The following APOB variants were observed in gnomAD, a reference collection of about 807,000 sequenced individuals.
The protein encoded by APOB is apolipoprotein B-100.
A neutral mutation model predicts 314.1 loss-of-function variants in APOB; 153 were observed. The ratio of observed to expected loss-of-function variants is 0.49; its 90% confidence interval spans 0.43 to 0.56. APOB has a LOEUF of 0.56. APOB is among the 20% of genes least tolerant of loss of function. APOB has a pLI of 0.00. For missense variants in APOB, 5,430 were observed against 5,350.7 expected, an observed-to-expected ratio of 1.01 and a Z score of -0.46; for synonymous variants, 2,087 against 2,036.4, an observed-to-expected ratio of 1.02 and a Z score of -0.67.
chr2:21,032,104 G>A (rs558936861), intron 10 of APOB, among the ~76,000 whole-genome samples: 1 of 152,278 alleles, frequency 6.6e-6, no homozygotes, highest in Admixed American at 6.5e-5. Flanking sequence ...TTTTCCCTGT[G>A]AAATTCTGTC....
chr2:21,020,405 T>C (rs1329265316), intron 18 of APOB, among the ~76,000 whole-genome samples: 8 of 152,168 alleles, frequency 5.3e-5, no homozygotes, highest in African/African-American at 1.9e-4. Flanking sequence ...CCATCAAGAG[T>C]TGTCTGCCTT....
intron 16 of APOB, chr2:21,024,363 AT>A (rs1337216179): frequency 1.9e-5 from 3 of 156,202 alleles, no homozygotes; most frequent in Admixed American, 6.4e-5. Flanking sequence ...CACACCTGTT[AT>A]TCCAGCACTG....
At chr2:21,013,907 T>C (rs1663402832) in intron 24 of APOB, among the ~76,000 whole-genome samples, 1 of 152,226 alleles carries the variant, frequency 6.6e-6, no homozygotes, top group African/African-American at 2.4e-5. Flanking sequence ...GAAAAGGCTA[T>C]ACCTTACCCA....
At position 21,043,965 on chromosome 2, in the gene APOB, G is replaced by A; in HGVS notation, c.-20C>T. 5.7e-6 allele frequency: 7 copies of A among 1,220,896 alleles called. No individual in the cohort carries two copies. Among genetic ancestry groups the A allele is most frequent in the East Asian group, 3.4e-5 (1 of 29,546 alleles). The allele number at this position is 1,220,896 out of a possible 1,614,324, so 75.6% of individuals were successfully genotyped here. A position where few individuals can be genotyped will look rare whatever the true frequency, so the allele number is the denominator to read the frequency against. On this transcript the variant is annotated 5_prime_UTR_variant, in exon 1 of 29. Transcript: ENST00000233242. ...GTCCATCGCCAGCTGCGGTGGGGCG[G>A]CTCCTGGGCTGCGGCCTGGCCTCGG...
intron 2 of APOB, 142 bp downstream of exon 2, chr2:21,043,371 A>T: frequency 2.1e-6 from 2 of 957,006 alleles, no homozygotes; most frequent in Non-Finnish European, 3.3e-6. Flanking sequence ...GCAGAGGCTC[A>T]GGGAACTTGC....
Position 21,033,283 on chromosome 2 carries a change from T to A in APOB, c.1124+16A>T. ...CCATCAGTTTTATAAAAAGTTGAGC[T>A]GTAACCATTAGATACCTGGACACCT... On this transcript the variant is annotated intron_variant, in intron 9 of 28. Coordinates refer to ENST00000233242, the MANE Select transcript of APOB (RefSeq NM_000384.3). 1 of 1,604,266 alleles carries A rather than the reference T, an allele frequency of 6.2e-7. No homozygotes were observed. The highest frequency in any genetic ancestry group is 8.5e-7 in the Non-Finnish European group (1 of 1,171,012).
chr2:21,021,262 C>G (rs1331647756), intron 18 of APOB, among the ~76,000 whole-genome samples: 1 of 152,090 alleles, frequency 6.6e-6, no homozygotes, highest in Non-Finnish European at 1.5e-5. Context: ...TCCCCATACC[C>G]AGTTAATCAC....
intron 20 of APOB, among the ~76,000 whole-genome samples, chr2:21,018,508 C>A (rs1462597600): frequency 6.6e-6 from 1 of 152,160 alleles, no homozygotes; most frequent in East Asian, 1.9e-4. Flanking sequence ...AGTGTGTCAG[C>A]CTCAGGGCCT....
chr2:21,024,524 C>A (rs1663686480), intron 16 of APOB: 1 of 324,240 alleles, frequency 3.1e-6, no homozygotes, highest in Non-Finnish European at 5.6e-6. Flanking sequence ...GAGGCTGAGG[C>A]AGGAGAATTG....
At position 21,010,900 on chromosome 2, in the gene APOB, T is replaced by G. The variant is rs372283478; in HGVS notation, c.5968A>C (p.Asn1990His). Reference sequence around the variant, plus strand: ...GCATCCAAGTCCTGGCTGTATTCATTGTTGTTAAATTGGGTCTTGAGTTTC... The same window carrying G: ...GCATCCAAGTCCTGGCTGTATTCATGGTTGTTAAATTGGGTCTTGAGTTTC... Reference protein sequence around the residue: ...TWKLKTQFNNNEYSQDLDAYN... With the variant: ...TWKLKTQFNNHEYSQDLDAYN... Residue 1990 changes from asparagine (N) to histidine (H), a missense_variant, in exon 26 of 29, where the codon AAT becomes CAT. Asn to His is a moderately conservative substitution (Grantham distance 68). Around this residue, in one of 3 missense-constraint regions of APOB, gnomAD observed 3,281 missense variants for 3,171.0 expected, o/e 1.03. Coordinates refer to ENST00000233242, the MANE Select transcript of APOB (RefSeq NM_000384.3). The G allele has an allele frequency of 2.5e-6, 4 of 1,614,104 alleles. No individual in the cohort carries two copies. The highest frequency in any genetic ancestry group is 3.4e-6 in the Non-Finnish European group (4 of 1,180,000).
Position 21,007,506 on chromosome 2 carries a change from G to A in APOB, c.9362C>T (p.Ala3121Val). ...MEAHVGINGE[A>V]NLDFLNIPLT... ...AGGAATGTTTAAGAAATCCAGATTT[G>A]CTTCTCCATTTATTCCTACATGGGC... The change falls in exon 26 of 29, where the codon GCA becomes GTA. Residue 3121 changes from alanine to valine, a missense_variant. Ala to Val is a moderately conservative substitution (Grantham distance 64). Coordinates refer to ENST00000233242, the MANE Select transcript of APOB (RefSeq NM_000384.3). The A allele has an allele frequency of 2.5e-6, 4 of 1,614,054 alleles. No homozygotes were observed. The highest frequency in any genetic ancestry group is 3.4e-6 in the Non-Finnish European group (4 of 1,179,944).
chr2:21,011,757 G>A lies in APOB; in HGVS notation c.5111C>T (p.Ala1704Val). 1 of 1,614,126 alleles carries A rather than the reference G, an allele frequency of 6.2e-7. No homozygotes were observed. Among genetic ancestry groups the A allele is most frequent in the Non-Finnish European group, 8.5e-7 (1 of 1,180,040 alleles). ...ACTTCCCAGTGATAGCTCTGTGAGG[G>A]CGGCTTTCCCATCCAGACTGAATTT... ...NAKFSLDGKA[A>V]LTELSLGSAY... Residue 1704 changes from alanine to valine, a missense_variant, in exon 26 of 29, where the codon GCC becomes GTC. By Grantham distance (64) the Ala-to-Val change is moderately conservative. This residue lies in a region of APOB where 2,085 missense variants were observed against 2,079.7 expected (regional missense o/e 1.00). Transcript: ENST00000233242.
At position 21,009,908 on chromosome 2, in the gene APOB, A is replaced by G. The variant is rs756135824; in HGVS notation, c.6960T>C (p.Phe2320=). 6.2e-7 allele frequency: 1 copy of G among 1,614,018 alleles called. No individual in the cohort carries two copies. Among genetic ancestry groups the G allele is most frequent in the Non-Finnish European group, 8.5e-7 (1 of 1,179,946 alleles). The change falls in exon 26 of 29, where the codon TTT becomes TTC. Residue 2320 remains phenylalanine (F), a synonymous_variant. Transcript: ENST00000233242. ...INDILEHVKH[F]VINLIGDFEV... ...CAAAATCCCCAATAAGATTTATAAC[A>G]AAGTGTTTGACATGCTCAAGAATGT...
In APOB at chr2:21,023,419, G is replaced by A. The variant is rs1264327159; in HGVS notation, c.2604+106C>T. 8 of 1,318,674 alleles carry A rather than the reference G, an allele frequency of 6.1e-6. No individual in the cohort carries two copies. The Admixed American group carries it at 1.0e-4, about 17-fold the overall frequency. The allele number at this position is 1,318,674 out of a possible 1,614,324, so 81.7% of individuals were successfully genotyped here. A position where few individuals can be genotyped will look rare whatever the true frequency, so the allele number is the denominator to read the frequency against. On this transcript the variant is annotated intron_variant, in intron 17 of 28. Transcript: ENST00000233242. The stretch of plus-strand genomic sequence containing the variant: ...ATAATGAGGTGATTACAATGATGAA[G>A]CATTTTGTCTTGAAGTGGAAACACA...
At position 21,014,491 on chromosome 2, in the gene APOB, C is replaced by T; in HGVS notation, c.3799G>A (p.Gly1267Arg). 1 of 1,614,030 alleles carries T rather than the reference C, an allele frequency of 6.2e-7. No homozygotes were observed. Among genetic ancestry groups the T allele is most frequent in the African/African-American group, 1.3e-5 (1 of 75,006 alleles). ...SLKEFNLQNM[G>R]LPDFHIPENL... ...TCTGGGATGTGGAAGTCTGGCAATC[C>T]CATGTTCTGGAGGTTGAACTCCTTC... Residue 1267 changes from glycine (G) to arginine (R), a missense_variant, in exon 24 of 29, where the codon GGA (glycine) becomes AGA (arginine). Physicochemically the swap from Gly to Arg is moderately radical, Grantham distance 125. Around this residue, in one of 3 missense-constraint regions of APOB, gnomAD observed 2,085 missense variants for 2,079.7 expected, o/e 1.00. Coordinates refer to ENST00000233242, the MANE Select transcript of APOB (RefSeq NM_000384.3).
chr2:21,039,816 C>T (rs1664089336), intron 4 of APOB, among the ~76,000 whole-genome samples: 1 of 152,160 alleles, frequency 6.6e-6, no homozygotes, highest in Non-Finnish European at 1.5e-5. Context: ...ATACCCCTCT[C>T]CCTCATATAC....
chr2:21,011,679 T>G lies in APOB; in HGVS notation c.5189A>C (p.Lys1730Thr), dbSNP rs764322440. ...GVDSKNIFNFKVSQEGLKLSN... is the reference protein window; with the variant it reads ...GVDSKNIFNFTVSQEGLKLSN... ...GAGCTTAAGTCCTTCTTGACTGACC[T>G]TGAAGTTGAAAATGTTTTTGCTGTC... Residue 1730 changes from lysine (K) to threonine (T), a missense_variant, in exon 26 of 29, where the codon AAG becomes ACG. Transcript: ENST00000233242. 26 of 1,614,088 alleles carry G rather than the reference T, an allele frequency of 1.6e-5. No individual in the cohort carries two copies. The highest frequency in any genetic ancestry group is 1.9e-5 in the Non-Finnish European group (23 of 1,180,046).
At chr2:21,003,905 T>C (rs971980666) in intron 28 of APOB, among the ~76,000 whole-genome samples, 1 of 152,134 alleles carries the variant, frequency 6.6e-6, no homozygotes, top group Non-Finnish European at 1.5e-5. Flanking sequence ...AGCAATTCTA[T>C]TGTGGGGAAG....
At chr2:21,038,940 G>A (rs1244160532) in intron 4 of APOB, among the ~76,000 whole-genome samples, 2 of 152,176 alleles carry the variant, frequency 1.3e-5, no homozygotes, top group Non-Finnish European at 1.5e-5. Context: ...TTTAAAAGCT[G>A]CATGCAGAAC....
Sources: allele counts gnomAD v4.1 joint callset (sites outside exome capture counted in the v4.1 genomes callset), GRCh38; gene constraint gnomAD v4.1.1; regional missense constraint gnomAD v4.1.1; transcripts MANE v1.5; gene names NCBI Gene and HGNC (gene_info 2026-07-23, HGNC 2026-07-21).